Variants in DLGAP2 observed in about 807,000 individuals in gnomAD.
DLGAP2 encodes the protein disks large-associated protein 2.
DLGAP2 carries 26 observed loss-of-function variants against 100.3 expected under a neutral mutation model. The ratio of observed to expected loss-of-function variants is 0.26; its 90% confidence interval spans 0.19 to 0.36. The LOEUF is 0.36. Among genes scored for constraint, DLGAP2 ranks in the 10% least tolerant of loss-of-function variants. The pLI is 1.00. For synonymous variants in DLGAP2, 886 were observed against 630.1 expected, an observed-to-expected ratio of 1.41 and a Z score of -6.08; for missense variants, 1,858 against 1,453.2, an observed-to-expected ratio of 1.28 and a Z score of -4.53.
intron 1 of DLGAP2, among the ~76,000 whole-genome samples, chr8:759,537 C>T (rs946011624): frequency 2.0e-5 from 3 of 151,144 alleles, no homozygotes; most frequent in South Asian, 2.1e-4. Flanking sequence ...GGGGTTGGGA[C>T]GGGTGTGCAC....
At chr8:1,449,332 C>T (rs959859923) in intron 3 of DLGAP2, among the ~76,000 whole-genome samples, 2 of 152,174 alleles carry the variant, frequency 1.3e-5, no homozygotes, top group Non-Finnish European at 2.9e-5. Flanking sequence ...GTCACTGGGG[C>T]ATGGGCAGGC....
rs186772901 is a variant in DLGAP2 at position 1,517,363 on chromosome 8, C to T, written c.172+15932C>T. Among the ~76,000 whole-genome samples the T allele has an allele frequency of 5.2e-3, 786 of 152,142 alleles. 3 individuals carry two copies. The highest frequency in any genetic ancestry group is 7.5e-3 in the Non-Finnish European group (513 of 67,952). On this transcript the variant is annotated intron_variant, in intron 4 of 14. Transcript: ENST00000637795. ...TGTGGAGCCCAGGAGGAGCAGAGAG[C>T]ACGCCATGAGGGAGGGGCCGTGGTG...
chr8:1,679,886 A>G (rs571178141), intron 12 of DLGAP2, among the ~76,000 whole-genome samples: 1 of 150,546 alleles, frequency 6.6e-6, no homozygotes, highest in Non-Finnish European at 1.5e-5. Flanking sequence ...AGGCTGAGGC[A>G]GGAAAATCAC....
At chr8:1,524,859 A>G (rs1800737997) in intron 4 of DLGAP2, among the ~76,000 whole-genome samples, 1 of 151,992 alleles carries the variant, frequency 6.6e-6, no homozygotes, top group Admixed American at 6.6e-5. Flanking sequence ...ATCTTCCCAC[A>G]TGATCCTGGG....
At chr8:1,163,152 G>T (rs1015127434) in intron 2 of DLGAP2, among the ~76,000 whole-genome samples, 3 of 152,180 alleles carry the variant, frequency 2.0e-5, no homozygotes, top group Non-Finnish European at 4.4e-5. Flanking sequence ...TGGCCAGGAC[G>T]CACGTGCACT....
At position 904,306 on chromosome 8, in the gene DLGAP2, G is replaced by A. The variant is rs1038577681; in HGVS notation, c.19-3606G>A. Among the ~76,000 whole-genome samples the A allele has an allele frequency of 2.0e-5, 3 of 152,136 alleles. 1 individual carries two copies. Among genetic ancestry groups the A allele is most frequent in the African/African-American group, 7.2e-5 (3 of 41,412 alleles). On this transcript the variant is annotated intron_variant, in intron 1 of 14. Coordinates refer to ENST00000637795, the MANE Select transcript of DLGAP2 (RefSeq NM_001346810.2). ...AGGCCGAGGTGGGTGGATTGCTTGAGGTCAGGAATTTGAGACCAGCTTGGC... is the reference window on the plus strand; with the variant it reads ...AGGCCGAGGTGGGTGGATTGCTTGAAGTCAGGAATTTGAGACCAGCTTGGC...
intron 2 of DLGAP2, among the ~76,000 whole-genome samples, chr8:1,100,493 G>T (rs138368545): frequency 6.7e-6 from 1 of 149,582 alleles, no homozygotes; most frequent in Non-Finnish European, 1.5e-5. Flanking sequence ...GGAAAAACAT[G>T]TATTAGAGTT....
intron 2 of DLGAP2, among the ~76,000 whole-genome samples, chr8:1,088,637 C>G (rs760917223): frequency 6.6e-5 from 10 of 151,960 alleles, no homozygotes; most frequent in Non-Finnish European, 7.4e-5. Context: ...CTTGCTCCCA[C>G]CACCCCACTC....
chr8:869,497 C>G (rs988039280), intron 1 of DLGAP2, among the ~76,000 whole-genome samples: 1 of 152,178 alleles, frequency 6.6e-6, no homozygotes, highest in African/African-American at 2.4e-5. Context: ...ATAGACGTCT[C>G]TTTATTTTAC....
At chr8:787,370 T>G (rs1480146334) in intron 1 of DLGAP2, among the ~76,000 whole-genome samples, 2 of 152,228 alleles carry the variant, frequency 1.3e-5, no homozygotes, top group African/African-American at 4.8e-5. Flanking sequence ...TACCCCTGGT[T>G]AGCCATGCTC....
chr8:1,625,505 G>C (rs1235299382), intron 6 of DLGAP2, among the ~76,000 whole-genome samples: 1 of 152,182 alleles, frequency 6.6e-6, no homozygotes, highest in East Asian at 1.9e-4. Flanking sequence ...CTTATAAAAT[G>C]GTTTTCATTT....
At chr8:1,019,461 C>T (rs1004098379) in intron 2 of DLGAP2, 3 of 151,986 alleles carry the variant, frequency 2.0e-5, no homozygotes, top group Admixed American at 6.5e-5. Flanking sequence ...AAGATTTTCA[C>T]CGAGAATCGC....
intron 3 of DLGAP2, among the ~76,000 whole-genome samples, chr8:1,426,799 G>C (rs1797249913): frequency 6.6e-6 from 1 of 152,084 alleles, no homozygotes; most frequent in Non-Finnish European, 1.5e-5. Flanking sequence ...AAAATCTCAT[G>C]TCTAAGTAAA....
Position 1,417,642 on chromosome 8 carries a change from C to CA in DLGAP2, c.107-83724_107-83723insA, listed in dbSNP as rs1210847341. ...CTGCGTGGCCGCCTCCAGGGGGGCA[C>CA]GGGGAGCCCCACTCCTGCCTCACTC... On this transcript the variant is annotated intron_variant, in intron 3 of 14. Transcript: ENST00000637795. 1.5e-4 allele frequency among the ~76,000 whole-genome samples: 22 copies of CA among 148,312 alleles called. 1 individual carries two copies. The highest frequency in any genetic ancestry group is 4.3e-4 in the South Asian group (2 of 4,628).
chr8:1,634,402 A>T (rs895698649), intron 8 of DLGAP2, among the ~76,000 whole-genome samples: 2 of 152,010 alleles, frequency 1.3e-5, no homozygotes, highest in Non-Finnish European at 2.9e-5. Context: ...CCCAGGACCC[A>T]CCCAAGGGAA....
chr8:1,164,112 G>GCC (rs113885366), intron 2 of DLGAP2, among the ~76,000 whole-genome samples: 11,900 of 29,634 alleles, frequency 0.4, 4,215 homozygotes, highest in Middle Eastern at 0.62. Context: ...TTTTCTGTGA[G>GCC]CCCGCAGGGC....
At chr8:1,089,740 G>A (rs13268693) in intron 2 of DLGAP2, among the ~76,000 whole-genome samples, 38,315 of 152,180 alleles carry the variant, frequency 0.25, 4,922 homozygotes, top group Non-Finnish European at 0.28. Context: ...TTTAAAAGGA[G>A]GGGTGTTTTC....
intron 4 of DLGAP2, among the ~76,000 whole-genome samples, chr8:1,529,604 G>A (rs957106866): frequency 8.5e-5 from 13 of 152,312 alleles, no homozygotes; most frequent in Admixed American, 6.5e-4. Flanking sequence ...GCAGGGACTC[G>A]AGTTGCCAAA....
chr8:1,196,938 A>G (rs185702370), intron 2 of DLGAP2, among the ~76,000 whole-genome samples: 5 of 152,246 alleles, frequency 3.3e-5, no homozygotes, highest in South Asian at 4.1e-4. Context: ...AGGTCCCACT[A>G]TTGTCCATCC....
Sources: gnomAD v4.1 joint callset for allele counts (sites outside exome capture counted in the v4.1 genomes callset) on GRCh38, gnomAD v4.1.1 for gene constraint, MANE v1.5 for transcripts, NCBI Gene and HGNC (gene_info 2026-07-23, HGNC 2026-07-21) for gene names.